The following APOB variants were observed in gnomAD, a reference collection of about 807,000 sequenced individuals.
APOB encodes the protein apolipoprotein B-100.
In APOB, 153 loss-of-function variants were observed where a neutral mutation model predicts 314.1. The ratio of observed to expected loss-of-function variants is 0.49; its 90% confidence interval spans 0.43 to 0.56. The LOEUF is 0.56. Among genes scored for constraint, APOB ranks in the 20% least tolerant of loss-of-function variants. The pLI is 0.00. For synonymous variants in APOB, 2,087 were observed against 2,036.4 expected (o/e 1.02, Z -0.67); for missense variants, 5,430 against 5,350.7 (o/e 1.01, Z -0.46).
chr2:21,014,194 T>C (rs1331808348), intron 24 of APOB, among the ~76,000 whole-genome samples: 1 of 152,182 alleles, frequency 6.6e-6, no homozygotes, highest in Non-Finnish European at 1.5e-5. Context: ...TTATAACAGG[T>C]TGTACTGAAT....
At position 21,007,438 on chromosome 2, in the gene APOB, T is replaced by A; in HGVS notation, c.9430A>T (p.Thr3144Ser). The A allele has an allele frequency of 6.2e-7, 1 of 1,613,900 alleles. No homozygotes were observed. Among genetic ancestry groups the A allele is most frequent in the Non-Finnish European group, 8.5e-7 (1 of 1,179,934 alleles). The stretch of plus-strand genomic sequence containing the variant: ...AGAGAGAAATCTTTCAGTGGAGGAG[T>A]TGTGATTATTGTGTAAGGTAGACGC... ...EMRLPYTIIT[T>S]PPLKDFSLWE... The change falls in exon 26 of 29, where the codon ACT becomes TCT. Residue 3144 changes from threonine to serine, a missense_variant. Thr to Ser is a moderately conservative substitution (Grantham distance 58, BLOSUM62 1). Coordinates refer to ENST00000233242, the MANE Select transcript of APOB (RefSeq NM_000384.3).
chr2:21,043,613 C>T, intron 1 of APOB, 62 bp from the exon 2 acceptor site: 1 of 1,560,060 alleles, frequency 6.4e-7, no homozygotes, highest in East Asian at 2.4e-5. Flanking sequence ...TGCTAGGGCC[C>T]GACAGGGGGA....
chr2:21,018,094 T>C (rs1663520345), intron 20 of APOB, among the ~76,000 whole-genome samples: 1 of 152,122 alleles, frequency 6.6e-6, no homozygotes, highest in African/African-American at 2.4e-5. Flanking sequence ...TTTGTCTTCA[T>C]TCCCCTTTTC....
chr2:21,011,330 G>C lies in APOB; in HGVS notation c.5538C>G (p.Ala1846=). Residue 1846 remains alanine, a synonymous_variant, in exon 26 of 29, where the codon GCC becomes GCG. Coordinates refer to ENST00000233242, the MANE Select transcript of APOB (RefSeq NM_000384.3). ...TGTCTGCTTTATAGCTTGCTGATAAGGCAGCAGAAGAGATGGCATAGATGT... is the reference window on the plus strand; with the variant it reads ...TGTCTGCTTTATAGCTTGCTGATAACGCAGCAGAAGAGATGGCATAGATGT... ...IKHIYAISSA[A]LSASYKADTV... 6.2e-7 allele frequency: 1 copy of C among 1,614,184 alleles called. No individual in the cohort carries two copies. Among genetic ancestry groups the C allele is most frequent in the African/African-American group, 1.3e-5 (1 of 75,052 alleles).
At chr2:21,041,163 T>G in intron 3 of APOB, 80 bp from the exon 4 acceptor site, 32 of 1,444,918 alleles carry the variant, frequency 2.2e-5, no homozygotes, top group Non-Finnish European at 2.7e-5. Context: ...GCTTAATCTC[T>G]AATCAGAGCA....
In APOB at chr2:21,012,416, G is replaced by A. The variant is rs1419523782; in HGVS notation, c.4452C>T (p.Val1484=). The A allele has an allele frequency of 6.2e-7, 1 of 1,614,170 alleles. No homozygotes were observed. The highest frequency in any genetic ancestry group is 8.5e-7 in the Non-Finnish European group (1 of 1,180,026). The part of the protein sequence containing the change: ...KKKQHLFVKE[V]KIDGQFRVSS... ...AGACTCTGAACTGCCCATCAATCTT[G>A]ACTTCTTTGACAAACAAATGCTGTT... Residue 1484 remains valine, a synonymous_variant, in exon 26 of 29, where the codon GTC becomes GTT. Transcript: ENST00000233242.
chr2:21,037,644 A>G (rs1335997777), intron 5 of APOB, among the ~76,000 whole-genome samples: 1 of 17,762 alleles, frequency 5.6e-5, no homozygotes, highest in Non-Finnish European at 1.0e-4. Context: ...AAATACACAC[A>G]GGATTTACTG....
rs765984252 is a variant in APOB, at chr2:21,006,562, A to G, written c.10306T>C (p.Leu3436=). The G allele has an allele frequency of 5.6e-6, 9 of 1,613,964 alleles. No homozygotes were observed. In the Admixed American group the frequency reaches 6.7e-5, roughly 12 times the overall value. The change falls in exon 26 of 29, where the codon TTG becomes CTG. Residue 3436 remains leucine, a synonymous_variant. Transcript: ENST00000233242. ...AGTTCTTGCTTGAAATTCATTCTCA[A>G]AATTGGAATTTGGGCTTTTGTGGTT... is the stretch of plus-strand genomic sequence containing the variant. ...ATTTKAQIPI[L]RMNFKQELNG...
At chr2:21,030,891 A>G (rs2103377886) in intron 10 of APOB, among the ~76,000 whole-genome samples, 1 of 152,346 alleles carries the variant, frequency 6.6e-6, no homozygotes, top group Non-Finnish European at 1.5e-5. Context: ...GTAAATTAAA[A>G]CCACAATGAG....
At chr2:21,003,695 G>C (rs1367826412) in intron 28 of APOB, among the ~76,000 whole-genome samples, 4 of 152,080 alleles carry the variant, frequency 2.6e-5, no homozygotes, top group Admixed American at 6.6e-5. Context: ...AGGAAAAGAA[G>C]AAATAGCAAA....
At position 21,016,751 on chromosome 2, in the gene APOB, A is replaced by G. The variant is rs13306202; in HGVS notation, c.3122-102T>C. On this transcript the variant is annotated intron_variant, in intron 20 of 28. Transcript: ENST00000233242. ...TGTAATCCCAGCACTTTGGGAGGCC[A>G]AGGCGGGCAGATCATGAGGTCAGGA... is the stretch of plus-strand genomic sequence containing the variant. 945 of 769,898 alleles carry G rather than the reference A, an allele frequency of 1.2e-3. 4 individuals carry two copies. The highest frequency in any genetic ancestry group is 5.7e-3 in the East Asian group (227 of 39,862). 47.7% of individuals were successfully genotyped at this position (769,898 alleles called of 1,614,324 possible).
At chr2:21,038,201 A>G in intron 4 of APOB, 90 bp from the exon 5 acceptor site, 1 of 1,383,698 alleles carries the variant, frequency 7.2e-7, no homozygotes, top group Non-Finnish European at 1.0e-6. Flanking sequence ...TTCTTTTCTC[A>G]TATTTTTTTA....
In APOB at chr2:21,015,629, G is replaced by C. The variant is rs1383234263; in HGVS notation, c.3333-84C>G. ...GGATTAAACAGAAGTTCCATTTGTG[G>C]TGATCAAAACCAGATACAAGGATGG... On this transcript the variant is annotated intron_variant, in intron 21 of 28. Coordinates refer to ENST00000233242, the MANE Select transcript of APOB (RefSeq NM_000384.3). The C allele has an allele frequency of 2.1e-6, 3 of 1,458,986 alleles. No individual in the cohort carries two copies. The African/African-American group carries it at 4.2e-5, about 20-fold the overall frequency. The allele number at this position is 1,458,986 out of a possible 1,614,324, so 90.4% of individuals were successfully genotyped here.
At chr2:21,024,611 C>T in intron 16 of APOB, 1 of 506,336 alleles carries the variant, frequency 2.0e-6, no homozygotes, top group Non-Finnish European at 3.4e-6. Flanking sequence ...GACTCCATCT[C>T]AAAAAATTAA....
chr2:21,010,048 GTA>G lies in APOB; in HGVS notation c.6818_6819del (p.Ile2273ThrfsTer17). 1 of 1,613,540 alleles carries G rather than the reference GTA, an allele frequency of 6.2e-7. No individual in the cohort carries two copies. Among genetic ancestry groups the G allele is most frequent in the Non-Finnish European group, 8.5e-7 (1 of 1,179,906 alleles). On this transcript the variant is annotated frameshift_variant, in exon 26 of 29. Transcript: ENST00000233242. LOFTEE classifies it high-confidence loss of function. ...QEKLQQLKRH[I>X]QNIDIQHLAG... Reference sequence around the variant, plus strand: ...GCTAGGTGCTGGATGTCTATATTCTGTATGTGTCTCTTAAGCTGCTGCAGTTT... The same window carrying G: ...GCTAGGTGCTGGATGTCTATATTCTGTGTGTCTCTTAAGCTGCTGCAGTTT...
At position 21,042,421 on chromosome 2, in the gene APOB, C is replaced by T. The variant is rs1276381647; in HGVS notation, c.177G>A (p.Glu59=). Residue 59 remains glutamate (E), a synonymous_variant, in exon 3 of 29, where the codon GAG becomes GAA. Transcript: ENST00000233242. ...LRKYTYNYEA[E]SSSGVPGTAD... ...CAGTCCCAGGGACTCCACTGGAACT[C>T]TCAGCCTCATAGTTGTATGTGTACT... 1.2e-6 allele frequency: 2 copies of T among 1,614,200 alleles called. No homozygotes were observed. Among genetic ancestry groups the T allele is most frequent in the Non-Finnish European group, 1.7e-6 (2 of 1,180,042 alleles).
At position 21,010,019 on chromosome 2, in the gene APOB, T is replaced by C. The variant is rs1342641416; in HGVS notation, c.6849A>G (p.Gly2283=). ...IQNIDIQHLA[G]KLKQHIEAID... is the part of the protein sequence containing the mutation. ...TAGCCTCAATGTGTTGTTTTAACTT[T>C]CCAGCTAGGTGCTGGATGTCTATAT... The change falls in exon 26 of 29, where the codon GGA becomes GGG. Residue 2283 remains glycine (G), a synonymous_variant. Coordinates refer to ENST00000233242, the MANE Select transcript of APOB (RefSeq NM_000384.3). The C allele has an allele frequency of 1.9e-6, 3 of 1,613,642 alleles. No individual in the cohort carries two copies. Among genetic ancestry groups the C allele is most frequent in the Admixed American group, 3.3e-5 (2 of 60,010 alleles).
chr2:21,010,059 T>C lies in APOB; in HGVS notation c.6809A>G (p.Lys2270Arg), dbSNP rs1476921109. Residue 2270 changes from lysine to arginine, a missense_variant, in exon 26 of 29, where the codon AAG (lysine) becomes AGG (arginine). This residue lies in a region of APOB where 3,281 missense variants were observed against 3,171.0 expected (regional missense o/e 1.03). Coordinates refer to ENST00000233242, the MANE Select transcript of APOB (RefSeq NM_000384.3). ...IQIQEKLQQLKRHIQNIDIQH... is the reference protein window; with the variant it reads ...IQIQEKLQQLRRHIQNIDIQH... ...GATGTCTATATTCTGTATGTGTCTCTTAAGCTGCTGCAGTTTTTCTTGTAT... is the reference window on the plus strand; with the variant it reads ...GATGTCTATATTCTGTATGTGTCTCCTAAGCTGCTGCAGTTTTTCTTGTAT... 2 of 1,613,648 alleles carry C rather than the reference T, an allele frequency of 1.2e-6. No homozygotes were observed. The highest frequency in any genetic ancestry group is 4.5e-5 in the East Asian group (2 of 44,846).
intron 6 of APOB, 51 bp from the exon 7 acceptor site, chr2:21,035,759 T>C (rs200826699): frequency 2.6e-5 from 42 of 1,594,922 alleles, no homozygotes; most frequent in Non-Finnish European, 6.0e-6. Context: ...GTATCTTCTG[T>C]TAAAAGCATT....
Sources: allele counts gnomAD v4.1 joint callset (sites outside exome capture counted in the v4.1 genomes callset), GRCh38; gene constraint gnomAD v4.1.1; regional missense constraint gnomAD v4.1.1; transcripts MANE v1.5; gene names NCBI Gene and HGNC (gene_info 2026-07-23, HGNC 2026-07-21).